Variants in HCN1 observed in about 807,000 individuals in gnomAD.
HCN1 encodes the protein potassium/sodium hyperpolarization-activated cyclic nucleotide-gated channel 1.
HCN1 carries 13 observed loss-of-function variants against 78.9 expected under a neutral mutation model. The observed-to-expected ratio is 0.16, with a 90% CI of 0.11 to 0.26. HCN1 has a LOEUF of 0.26. Ranked by LOEUF, HCN1 falls within the 10% of genes least tolerant of loss-of-function variation. The pLI is 1.00. For synonymous variants in HCN1, 552 were observed against 455.5 expected, an observed-to-expected ratio of 1.21 and a Z score of -2.70; for missense variants, 810 against 1,154.3, an observed-to-expected ratio of 0.70 and a Z score of 4.32.
intron 2 of HCN1, among the ~76,000 whole-genome samples, chr5:45,552,825 A>G (rs1743395043): frequency 1.3e-5 from 2 of 151,952 alleles, no homozygotes; most frequent in Non-Finnish European, 2.9e-5. Context: ...TTGGTTCAAT[A>G]TAAGGATAAA....
chr5:45,381,582 T>G (rs900546405), intron 4 of HCN1, among the ~76,000 whole-genome samples: 1 of 152,176 alleles, frequency 6.6e-6, no homozygotes, highest in African/African-American at 2.4e-5. Context: ...CCATCAGGGC[T>G]AGGTCCGATG....
chr5:45,304,749 C>T (rs2111906676), intron 5 of HCN1, among the ~76,000 whole-genome samples: 1 of 152,210 alleles, frequency 6.6e-6, no homozygotes, highest in Non-Finnish European at 1.5e-5. Context: ...TTTCTAAAGA[C>T]TCCTGGGATT....
chr5:45,305,840 A>C (rs1028209970), intron 5 of HCN1, among the ~76,000 whole-genome samples: 2 of 146,474 alleles, frequency 1.4e-5, no homozygotes, highest in East Asian at 4.3e-4. Flanking sequence ...GAAAGGAGGG[A>C]GGGAGGAAGG....
intron 3 of HCN1, among the ~76,000 whole-genome samples, chr5:45,414,886 G>A (rs1318151643): frequency 6.6e-6 from 1 of 151,848 alleles, no homozygotes; most frequent in Non-Finnish European, 1.5e-5. Flanking sequence ...AAATGACTTG[G>A]CATCCTTAAT....
intron 5 of HCN1, among the ~76,000 whole-genome samples, chr5:45,312,348 T>A (rs1745866754): frequency 6.6e-6 from 1 of 152,186 alleles, no homozygotes; most frequent in South Asian, 2.1e-4. Flanking sequence ...GTTGACACGA[T>A]GTCTATTTAT....
chr5:45,541,185 G>T (rs1338235548), intron 2 of HCN1, among the ~76,000 whole-genome samples: 1 of 152,172 alleles, frequency 6.6e-6, no homozygotes, highest in Non-Finnish European at 1.5e-5. Flanking sequence ...AGAAATTAAT[G>T]TATAGAAACT....
At chr5:45,595,260 C>G (rs1744463345) in intron 2 of HCN1, among the ~76,000 whole-genome samples, 2 of 152,294 alleles carry the variant, frequency 1.3e-5, no homozygotes, top group South Asian at 4.1e-4. Context: ...AGCTGGGTTA[C>G]CTCACTTGGA....
At chr5:45,407,129 G>A (rs184425669) in intron 3 of HCN1, among the ~76,000 whole-genome samples, 1 of 152,248 alleles carries the variant, frequency 6.6e-6, no homozygotes, top group East Asian at 1.9e-4. Flanking sequence ...AGTAAAATAA[G>A]TACAATCATG....
At chr5:45,436,895 G>C (rs1740568373) in intron 3 of HCN1, among the ~76,000 whole-genome samples, 1 of 152,146 alleles carries the variant, frequency 6.6e-6, no homozygotes, top group Non-Finnish European at 1.5e-5. Flanking sequence ...AAAGAGACCA[G>C]AGAAAATAAG....
chr5:45,622,514 A>G lies in HCN1; in HGVS notation c.849+22671T>C, dbSNP rs561517031. ...GCACCTGTAGCAGAATTTTTTCTCC[A>G]AAAAGACAGAGCCAGCTGGAGAGAG... On this transcript the variant is annotated intron_variant, in intron 2 of 7. Transcript: ENST00000303230. Among the ~76,000 whole-genome samples, 5 of 152,100 alleles carry G rather than the reference A, an allele frequency of 3.3e-5. No homozygotes were observed. The East Asian group carries it at 9.7e-4, about 29-fold the overall frequency.
At chr5:45,685,501 G>C (rs555312047) in intron 1 of HCN1, among the ~76,000 whole-genome samples, 11 of 152,304 alleles carry the variant, frequency 7.2e-5, no homozygotes, top group Admixed American at 2.0e-4. Context: ...ATCACCCAAG[G>C]TCAGGAATTT....
chr5:45,664,463 TAAAA>T (rs1005693251), intron 1 of HCN1, among the ~76,000 whole-genome samples: 2 of 97,300 alleles, frequency 2.1e-5, no homozygotes, highest in African/African-American at 7.9e-5. Flanking sequence ...ATAATAATAA[TAAAA>T]AAAAGAAAAA....
chr5:45,665,978 A>T (rs1746040516), intron 1 of HCN1, among the ~76,000 whole-genome samples: 1 of 151,902 alleles, frequency 6.6e-6, no homozygotes, highest in Admixed American at 6.6e-5. Context: ...CTTCTGCACA[A>T]CCGCTCCCTG....
At chr5:45,643,688 C>G (rs572221337) in intron 2 of HCN1, 3 of 152,220 alleles carry the variant, frequency 2.0e-5, no homozygotes, top group African/African-American at 7.2e-5. Context: ...TTGTTCTCAT[C>G]TGTAAAATAA....
At chr5:45,563,510 T>C (rs1277416561) in intron 2 of HCN1, among the ~76,000 whole-genome samples, 2 of 151,994 alleles carry the variant, frequency 1.3e-5, no homozygotes, top group Non-Finnish European at 2.9e-5. Context: ...CCTATAACAT[T>C]TCATTTATGA....
chr5:45,523,765 T>C (rs1321726495), intron 2 of HCN1, among the ~76,000 whole-genome samples: 1 of 152,192 alleles, frequency 6.6e-6, no homozygotes, highest in East Asian at 1.9e-4. Context: ...TATTAGCCCT[T>C]TGTCAGATGA....
intron 2 of HCN1, among the ~76,000 whole-genome samples, chr5:45,492,648 G>T (rs562819128): frequency 3.4e-5 from 5 of 148,976 alleles, no homozygotes; most frequent in Admixed American, 1.4e-4. Flanking sequence ...CTACAGGCTC[G>T]CCCCATCAAG....
chr5:45,481,782 T>C (rs1344771480), intron 2 of HCN1, among the ~76,000 whole-genome samples: 1 of 124,750 alleles, frequency 8.0e-6, no homozygotes, highest in Non-Finnish European at 1.9e-5. Context: ...ATGCCACTTA[T>C]GGCAGAGTCA....
intron 2 of HCN1, among the ~76,000 whole-genome samples, chr5:45,597,129 A>G (rs1466730662): frequency 1.3e-5 from 2 of 152,202 alleles, no homozygotes; most frequent in African/African-American, 4.8e-5. Flanking sequence ...AGAATTTTTT[A>G]GACCAATATC....
Sources: gnomAD v4.1 joint callset for allele counts (sites outside exome capture counted in the v4.1 genomes callset) on GRCh38, gnomAD v4.1.1 for gene constraint, MANE v1.5 for transcripts, NCBI Gene and HGNC (gene_info 2026-07-23, HGNC 2026-07-21) for gene names.